Variants in SOX6 observed in about 807,000 individuals in gnomAD.
SOX6 encodes transcription factor SOX-6.
Under a neutral mutation model 97.8 loss-of-function variants are expected in SOX6, and 11 were observed. That is an observed-to-expected ratio of 0.11 (90% CI 0.07 to 0.19). The LOEUF (loss-of-function observed/expected upper bound fraction) is 0.19, where lower values mean the gene tolerates loss of function less well. Among genes scored for constraint, SOX6 ranks in the 10% least tolerant of loss-of-function variants. The pLI, the probability that SOX6 is intolerant of heterozygous loss-of-function variation, is 1.00. For missense variants in SOX6, 810 were observed against 1,039.5 expected, an observed-to-expected ratio of 0.78 and a Z score of 3.04; for synonymous variants, 360 against 371.4, an observed-to-expected ratio of 0.97 and a Z score of 0.35.
chr11:16,036,946 C>CGT (rs1371883175), intron 12 of SOX6, among the ~76,000 whole-genome samples: 4 of 152,154 alleles, frequency 2.6e-5, no homozygotes, highest in Non-Finnish European at 5.9e-5. Flanking sequence ...AGAATCTACT[C>CGT]AGCCTTTCTA....
upstream of SOX6, among the ~76,000 whole-genome samples, chr11:16,358,552 T>C (rs749090756): frequency 4.6e-5 from 7 of 152,098 alleles, no homozygotes; most frequent in Non-Finnish European, 7.4e-5. Flanking sequence ...CATCAACTTA[T>C]GCCCCAATTA....
intron 2 of SOX6, among the ~76,000 whole-genome samples, chr11:16,731,494 C>T (rs748508970): frequency 6.6e-6 from 1 of 152,088 alleles, no homozygotes; most frequent in Non-Finnish European, 1.5e-5. Flanking sequence ...ATGACAAAAC[C>T]CATGTGATTA....
rs138580987 is a variant in SOX6 at position 16,165,661 on chromosome 11, G to C, written c.777+18225C>G. ...ACCTGTAATCCCAGCACTTTGGGAGGCCAAGGCGGGCAGATCACTTGAGGT... is the reference window on the plus strand; with the variant it reads ...ACCTGTAATCCCAGCACTTTGGGAGCCCAAGGCGGGCAGATCACTTGAGGT... On this transcript the variant is annotated intron_variant, in intron 6 of 15. Coordinates refer to ENST00000683767, the MANE Select transcript of SOX6 (RefSeq NM_001367873.1). Among the ~76,000 whole-genome samples, 263 of 152,238 alleles carry C rather than the reference G, an allele frequency of 1.7e-3. 4 individuals are homozygous for C. The East Asian group carries it at 0.045, about 26-fold the overall frequency.
chr11:16,035,030 C>A (rs1855481551), intron 12 of SOX6, among the ~76,000 whole-genome samples: 1 of 152,194 alleles, frequency 6.6e-6, no homozygotes, highest in South Asian at 2.1e-4. Context: ...CTCACAGAGA[C>A]AGACTCACAT....
intron 12 of SOX6, among the ~76,000 whole-genome samples, chr11:16,021,961 T>C (rs1164163187): frequency 6.6e-6 from 1 of 152,120 alleles, no homozygotes; most frequent in Non-Finnish European, 1.5e-5. Context: ...AATTTTTATA[T>C]GGGTTAAGTC....
intron 4 of SOX6, among the ~76,000 whole-genome samples, chr11:16,194,210 T>C (rs995968): frequency 0.98 from 149,590 of 152,312 alleles, 73,511 homozygotes; most frequent in East Asian, 1. Context: ...CCACACTAAA[T>C]GGCCCTAGTG....
At chr11:16,601,277 C>T (rs1291925141) in intron 4 of SOX6, among the ~76,000 whole-genome samples, 1 of 152,104 alleles carries the variant, frequency 6.6e-6, no homozygotes, top group Non-Finnish European at 1.5e-5. Context: ...TAATACATCC[C>T]ATCTGCAAAA....
chr11:16,049,688 A>G (rs1474689004), intron 11 of SOX6, 67 bp downstream of exon 11: 2 of 1,585,160 alleles, frequency 1.3e-6, no homozygotes, highest in Admixed American at 3.4e-5. Context: ...ATCAGTCGTA[A>G]CTAAACAGGT....
At chr11:16,416,426 G>A (rs1677963408) in intron 1 of SOX6, among the ~76,000 whole-genome samples, 1 of 152,148 alleles carries the variant, frequency 6.6e-6, no homozygotes, top group Non-Finnish European at 1.5e-5. Flanking sequence ...TGACATTTTA[G>A]AGGATTCCAC....
intron 6 of SOX6, among the ~76,000 whole-genome samples, chr11:16,112,492 C>T (rs1219546564): frequency 5.3e-5 from 8 of 152,142 alleles, no homozygotes. Flanking sequence ...ATACTCTTTG[C>T]CATACACACC....
chr11:15,972,703 G>T lies in SOX6; in HGVS notation c.*106C>A. ...TTTACGAAACAATTAAGACCATTCT[G>T]CTGATGTAATTGTGGAGCCACAAAT... On this transcript the variant is annotated 3_prime_UTR_variant, in exon 16 of 16. Transcript: ENST00000683767. The T allele has an allele frequency of 8.4e-7, 1 of 1,190,552 alleles. No homozygotes were observed. Among genetic ancestry groups the T allele is most frequent in the Non-Finnish European group, 1.2e-6 (1 of 804,368 alleles). The allele number at this position is 1,190,552 out of a possible 1,614,324, so 73.7% of individuals were successfully genotyped here.
intron 7 of SOX6, among the ~76,000 whole-genome samples, chr11:16,098,338 T>A (rs1848854916): frequency 6.6e-6 from 1 of 151,820 alleles, no homozygotes; most frequent in African/African-American, 2.4e-5. Context: ...TAAGCACTTA[T>A]CAAACATATT....
chr11:16,526,387 A>G (rs1454331539), intron 4 of SOX6, among the ~76,000 whole-genome samples: 1 of 152,058 alleles, frequency 6.6e-6, no homozygotes, highest in Non-Finnish European at 1.5e-5. Flanking sequence ...GCAAGGACAA[A>G]AAACCAAACA....
intron 1 of SOX6, among the ~76,000 whole-genome samples, chr11:16,425,529 C>T (rs1859108758): frequency 6.6e-6 from 1 of 152,058 alleles, no homozygotes; most frequent in Middle Eastern, 3.2e-3. Context: ...TCAAACTATC[C>T]CTGTTTACAG....
chr11:16,218,349 C>CA (rs1355914155), intron 4 of SOX6, among the ~76,000 whole-genome samples: 1 of 152,068 alleles, frequency 6.6e-6, no homozygotes, highest in Non-Finnish European at 1.5e-5. Context: ...AAACTAGTTA[C>CA]AATACAAGCT....
chr11:16,521,935 G>A (rs1861071952), intron 4 of SOX6, among the ~76,000 whole-genome samples: 1 of 152,166 alleles, frequency 6.6e-6, no homozygotes, highest in African/African-American at 2.4e-5. Flanking sequence ...GAGAAAAAAA[G>A]AATAAGAACA....
intron 3 of SOX6, among the ~76,000 whole-genome samples, chr11:16,629,732 T>C (rs1006814178): frequency 2.6e-5 from 4 of 152,160 alleles, no homozygotes; most frequent in African/African-American, 9.7e-5. Context: ...TGAGGCTTTT[T>C]GTTTTTGGTT....
intron 3 of SOX6, among the ~76,000 whole-genome samples, chr11:16,661,466 T>C (rs1257343485): frequency 6.6e-6 from 1 of 152,240 alleles, no homozygotes; most frequent in Non-Finnish European, 1.5e-5. Context: ...ACATCTACCA[T>C]ATTTGTAACC....
intron 7 of SOX6, among the ~76,000 whole-genome samples, chr11:16,110,597 G>C (rs1849204880): frequency 6.6e-6 from 1 of 152,096 alleles, no homozygotes; most frequent in South Asian, 2.1e-4. Flanking sequence ...TATATGTGAG[G>C]AATTTTCAGA....
Sources: gnomAD v4.1 joint callset for allele counts (sites outside exome capture counted in the v4.1 genomes callset) on GRCh38, gnomAD v4.1.1 for gene constraint, MANE v1.5 for transcripts, NCBI Gene and HGNC (gene_info 2026-07-23, HGNC 2026-07-21) for gene names.